The following PRH1 variants were observed in gnomAD, a reference collection of about 807,000 sequenced individuals.
The protein encoded by PRH1 is proline rich protein HaeIII subfamily 1, also known as salivary acidic proline-rich phosphoprotein 1/2.
A neutral mutation model predicts 7.9 loss-of-function variants in PRH1; 7 were observed. The ratio of observed to expected loss-of-function variants is 0.89; its 90% confidence interval spans 0.50 to 1.67. PRH1 has a LOEUF of 1.67. PRH1 is among the 40% of genes most tolerant of loss of function. The pLI, the probability that PRH1 is intolerant of heterozygous loss-of-function variation, is 0.00. For missense variants in PRH1, 109 were observed against 223.6 expected (o/e 0.49, Z 3.27); for synonymous variants, 45 against 80.8 (o/e 0.56, Z 2.38).
At chr12:11,142,043 T>C (rs1946716397) in intron 1 of PRH1, among the ~76,000 whole-genome samples, 2 of 152,184 alleles carry the variant, frequency 1.3e-5, no homozygotes, top group Admixed American at 1.3e-4. Flanking sequence ...TCCCCTCATC[T>C]TGGCCTCCCA....
intron 1 of PRH1, among the ~76,000 whole-genome samples, chr12:11,113,587 T>G (rs1592038601): frequency 6.6e-6 from 1 of 152,108 alleles, no homozygotes; most frequent in South Asian, 2.1e-4. Flanking sequence ...AAAACTTAAA[T>G]GTAATATCCA....
intron 2 of PRH1, chr12:10,908,712 A>G: frequency 6.2e-7 from 1 of 1,613,882 alleles, no homozygotes. Flanking sequence ...GAGAAAAGAG[A>G]TGAAGGCCAC....
chr12:11,073,850 G>T (rs1418141299), intron 1 of PRH1, among the ~76,000 whole-genome samples: 1 of 152,140 alleles, frequency 6.6e-6, no homozygotes, highest in Non-Finnish European at 1.5e-5. Flanking sequence ...AACCCCTAGG[G>T]AATTACTGCA....
intron 1 of PRH1, among the ~76,000 whole-genome samples, chr12:11,109,756 C>T (rs768373291): frequency 6.6e-6 from 1 of 151,966 alleles, no homozygotes; most frequent in Non-Finnish European, 1.5e-5. Context: ...AAACCGGAAG[C>T]CTCTTCTCTT....
intron 2 of PRH1, among the ~76,000 whole-genome samples, chr12:10,934,388 C>G (rs963576917): frequency 4.6e-5 from 7 of 152,114 alleles, no homozygotes; most frequent in African/African-American, 1.2e-4. Context: ...TCGAAGATCT[C>G]TTTCACATCT....
intron 1 of PRH1, among the ~76,000 whole-genome samples, chr12:11,015,280 A>G (rs1320943378): frequency 2.0e-5 from 3 of 152,294 alleles, no homozygotes; most frequent in Non-Finnish European, 4.4e-5. Context: ...GGGAAAAGGA[A>G]CACAAGACCC....
intron 1 of PRH1, among the ~76,000 whole-genome samples, chr12:11,075,378 T>A (rs1426012145): frequency 8.9e-6 from 1 of 112,618 alleles, no homozygotes; most frequent in Admixed American, 8.8e-5. Flanking sequence ...CAAAGTTTGC[T>A]AGCTTTTTTT....
At chr12:10,908,289 G>T in intron 2 of PRH1, 1 of 1,147,044 alleles carries the variant, frequency 8.7e-7, no homozygotes, top group Non-Finnish European at 1.2e-6. Flanking sequence ...GAAACCAGGG[G>T]AAGCATAAAA....
intron 1 of PRH1, among the ~76,000 whole-genome samples, chr12:10,995,351 G>A (rs1015712145): frequency 2.6e-5 from 4 of 152,086 alleles, no homozygotes; most frequent in African/African-American, 7.2e-5. Flanking sequence ...CAAATCAGAT[G>A]TGGAGATGAT....
At chr12:10,892,254 T>C (rs1354564474) in intron 2 of PRH1, among the ~76,000 whole-genome samples, 3 of 152,216 alleles carry the variant, frequency 2.0e-5, no homozygotes, top group Non-Finnish European at 4.4e-5. Flanking sequence ...GGAGAATTTT[T>C]TTCCCAACAT....
intron 1 of PRH1, among the ~76,000 whole-genome samples, chr12:11,020,351 C>G (rs374072303): frequency 3.3e-4 from 5 of 15,348 alleles, no homozygotes; most frequent in African/African-American, 8.5e-4. Context: ...CTAGGGAGGA[C>G]GTATGATAAG....
chr12:11,020,363 G>GATAGATATATATATATAT (rs1941545034), intron 1 of PRH1, among the ~76,000 whole-genome samples: 1 of 87,584 alleles, frequency 1.1e-5, no homozygotes, highest in South Asian at 6.4e-4. Context: ...TATGATAAGC[G>GATAGATATATATATATAT]ATATATATAT....
intron 1 of PRH1, among the ~76,000 whole-genome samples, chr12:11,152,175 G>T: frequency 6.7e-6 from 1 of 150,310 alleles, no homozygotes. Context: ...TTGGTGTGCA[G>T]CACCCATTAA....
intron 1 of PRH1, among the ~76,000 whole-genome samples, chr12:11,126,019 CATTT>C (rs1170513861): frequency 1.4e-4 from 5 of 35,080 alleles, no homozygotes; most frequent in East Asian, 8.3e-4. Flanking sequence ...TATATTCATT[CATTT>C]ATTATATGAT....
At chr12:11,138,849 G>A (rs1265580053) in intron 1 of PRH1, among the ~76,000 whole-genome samples, 1 of 152,000 alleles carries the variant, frequency 6.6e-6, no homozygotes, top group Non-Finnish European at 1.5e-5. Flanking sequence ...GACCAGCTTG[G>A]GCAACATGGC....
intron 1 of PRH1, among the ~76,000 whole-genome samples, chr12:11,018,676 G>C: frequency 7.0e-6 from 1 of 143,032 alleles, no homozygotes. Context: ...CTTTGGAGCA[G>C]AAAGTGAACG....
At chr12:11,034,855 C>T (rs1942368148) in intron 1 of PRH1, 1 of 152,862 alleles carries the variant, frequency 6.5e-6, no homozygotes, top group Admixed American at 6.5e-5. Context: ...CCACTGAACT[C>T]CAGCCTGGAT....
At chr12:11,126,858 A>C (rs1302143260) in intron 1 of PRH1, among the ~76,000 whole-genome samples, 1 of 152,278 alleles carries the variant, frequency 6.6e-6, no homozygotes. Context: ...ATGTTGAAAT[A>C]TCAAAATAGT....
intron 1 of PRH1, among the ~76,000 whole-genome samples, chr12:11,025,414 A>C (rs1259949447): frequency 6.6e-6 from 1 of 152,272 alleles, no homozygotes; most frequent in African/African-American, 2.4e-5. Context: ...TTTCTGTTAA[A>C]ATCAGGTTGT....
Sources: allele counts gnomAD v4.1 joint callset (sites outside exome capture counted in the v4.1 genomes callset), GRCh38; gene constraint gnomAD v4.1.1; transcripts MANE v1.5; gene names NCBI Gene and HGNC (gene_info 2026-07-23, HGNC 2026-07-21).